The following KMT2C variants were observed in gnomAD, a reference collection of about 807,000 sequenced individuals.
KMT2C encodes histone-lysine N-methyltransferase 2C.
In KMT2C, 88 loss-of-function variants were observed where a neutral mutation model predicts 507.9. The observed-to-expected ratio is 0.17, with a 90% CI of 0.15 to 0.21. The LOEUF (loss-of-function observed/expected upper bound fraction) is 0.21, where lower values mean the gene tolerates loss of function less well. Ranked by LOEUF, KMT2C falls within the 10% of genes least tolerant of loss-of-function variation. KMT2C has a pLI of 1.00. For synonymous variants in KMT2C, 2,049 were observed against 2,080.8 expected, an observed-to-expected ratio of 0.98 and a Z score of 0.42; for missense variants, 4,954 against 5,957.8, an observed-to-expected ratio of 0.83 and a Z score of 5.55.
chr7:152,433,176 C>T (rs11762480), intron 1 of KMT2C, among the ~76,000 whole-genome samples: 10,820 of 151,788 alleles, frequency 0.071, 609 homozygotes, highest in East Asian at 0.23. Flanking sequence ...ATCTTCTCTA[C>T]TTAATGTAAC....
chr7:152,234,452 G>C (rs1350351963), intron 16 of KMT2C, among the ~76,000 whole-genome samples: 2 of 151,748 alleles, frequency 1.3e-5, no homozygotes, highest in African/African-American at 4.8e-5. Flanking sequence ...AGGCCAAGAT[G>C]GTTTCACTAA....
intron 2 of KMT2C, among the ~76,000 whole-genome samples, chr7:152,334,172 G>T (rs1350132467): frequency 6.6e-6 from 1 of 152,098 alleles, no homozygotes; most frequent in African/African-American, 2.4e-5. Flanking sequence ...CGTAGACAAA[G>T]GGGCCGGGTG....
chr7:152,281,318 T>C (rs2096204112), intron 6 of KMT2C, among the ~76,000 whole-genome samples: 1 of 152,164 alleles, frequency 6.6e-6, no homozygotes, highest in African/African-American at 2.4e-5. Flanking sequence ...AAGGATAGTT[T>C]ATAGAATTTC....
At position 152,247,446 on chromosome 7, in the gene KMT2C, C is replaced by G. The variant is rs1259765667; in HGVS notation, c.2532+456G>C. On this transcript the variant is annotated intron_variant, in intron 14 of 58. Transcript: ENST00000262189. The stretch of plus-strand genomic sequence containing the variant: ...AATAAAAACATCAAAATGAGAAATT[C>G]CCCAGCATGGAAAATTCCTGTCATA... 2.0e-5 allele frequency among the ~76,000 whole-genome samples: 3 copies of G among 152,054 alleles called. No individual in the cohort carries two copies. In the East Asian group the frequency reaches 5.8e-4, roughly 29 times the overall value.
intron 6 of KMT2C, among the ~76,000 whole-genome samples, chr7:152,280,500 G>A (rs1215987288): frequency 1.4e-5 from 2 of 141,712 alleles, no homozygotes; most frequent in African/African-American, 4.9e-5. Context: ...GCAGTGAGCC[G>A]AGACTGCACC....
At chr7:152,314,781 G>A (rs1270721395) in intron 4 of KMT2C, among the ~76,000 whole-genome samples, 1 of 152,020 alleles carries the variant, frequency 6.6e-6, no homozygotes, top group Non-Finnish European at 1.5e-5. Flanking sequence ...ACAAAAGAAG[G>A]ACTTTATTGA....
At chr7:152,146,509 A>C (rs935662422) in intron 53 of KMT2C, 90 bp downstream of exon 53, 1 of 1,291,186 alleles carries the variant, frequency 7.7e-7, no homozygotes, top group African/African-American at 1.5e-5. Flanking sequence ...CACTTTCTGA[A>C]GAGTGCCACA....
At chr7:152,241,282 C>A (rs900688057) in intron 14 of KMT2C, among the ~76,000 whole-genome samples, 4 of 152,148 alleles carry the variant, frequency 2.6e-5, no homozygotes, top group African/African-American at 4.8e-5. Flanking sequence ...TCACAGCAAC[C>A]TCTACCTCCC....
intron 9 of KMT2C, among the ~76,000 whole-genome samples, chr7:152,255,130 T>TATAC (rs1554583833): frequency 8.1e-6 from 1 of 123,200 alleles, no homozygotes; most frequent in African/African-American, 3.5e-5. Flanking sequence ...TATATATATA[T>TATAC]ATATATATAT....
intron 13 of KMT2C, among the ~76,000 whole-genome samples, chr7:152,249,673 C>CAAAAAAAAAAAAAAAAAAA (rs1183345172): frequency 2.0e-4 from 7 of 34,514 alleles, no homozygotes; most frequent in Admixed American, 4.4e-4. Context: ...CTCCCCCCTC[C>CAAAAAAAAAAAAAAAAAAA]AAAAAAAAAA....
intron 6 of KMT2C, among the ~76,000 whole-genome samples, chr7:152,289,912 C>A (rs12674420): frequency 6.9e-5 from 10 of 145,694 alleles, no homozygotes; most frequent in African/African-American, 2.5e-4. Context: ...CTGGGCCTGG[C>A]GGTGCATGCC....
At position 152,433,052 on chromosome 7, in the gene KMT2C, G is replaced by T. The variant is rs140818494; in HGVS notation, c.161+2574C>A. Among the ~76,000 whole-genome samples the T allele has an allele frequency of 7.5e-3, 1,143 of 151,946 alleles. 15 individuals carry two copies. The highest frequency in any genetic ancestry group is 0.027 in the African/African-American group (1,098 of 41,408). ...AATCCCAGCTACTCTGGAGGCTGAGGAAGGAGAATCGCTTGAATACACGAG... is the reference window on the plus strand; with the variant it reads ...AATCCCAGCTACTCTGGAGGCTGAGTAAGGAGAATCGCTTGAATACACGAG... On this transcript the variant is annotated intron_variant, in intron 1 of 58. Coordinates refer to ENST00000262189, the MANE Select transcript of KMT2C (RefSeq NM_170606.3).
rs2129114717 is a variant in KMT2C, at chr7:152,177,384, T to A, written c.8069A>T (p.Asp2690Val). ...TTCCTTCACAGAAGGGTCATCAGAA[T>A]CAAGTTTTTCCTCTAGACCATCAGA... ...QPSDGLEEKL[D>V]SDDPSVKELD... The change falls in exon 38 of 59, where the codon GAT (aspartate) becomes GTT (valine). Residue 2690 changes from aspartate (D) to valine (V), a missense_variant. By Grantham distance (152) the Asp-to-Val change is radical. This residue lies in a region of KMT2C where 1,689 missense variants were observed against 1,654.3 expected (regional missense o/e 1.02). Transcript: ENST00000262189. 6.2e-7 allele frequency: 1 copy of A among 1,614,234 alleles called. No homozygotes were observed. The highest frequency in any genetic ancestry group is 8.5e-7 in the Non-Finnish European group (1 of 1,180,044).
In KMT2C at chr7:152,182,488, T is replaced by C. The variant is rs774836511; in HGVS notation, c.5372A>G (p.Gln1791Arg). ...QQQQQQQFGS[Q>R]HLLVQSGSDT... ...TGAACCAGACTGCACCAGAAGATGC[T>C]GAGAACCAAATTGCTGTTGTTGCTG... The change falls in exon 36 of 59, where the codon CAG (glutamine) becomes CGG (arginine). Residue 1791 changes from glutamine (Q) to arginine (R), a missense_variant. This residue lies in a region of KMT2C where 1,689 missense variants were observed against 1,654.3 expected (regional missense o/e 1.02). Transcript: ENST00000262189. 3 of 1,614,032 alleles carry C rather than the reference T, an allele frequency of 1.9e-6. No individual in the cohort carries two copies. The highest frequency in any genetic ancestry group is 4.5e-5 in the East Asian group (2 of 44,884).
rs572021840 is a variant in KMT2C, at chr7:152,213,943, A to G, written c.3713-6515T>C. On this transcript the variant is annotated intron_variant, in intron 23 of 58. Transcript: ENST00000262189. Reference sequence around the variant, plus strand: ...TGAATAGCCATTTTTCCAAAGTCACACAAATGGTCAAATGGTATATGAAAA... The same window carrying G: ...TGAATAGCCATTTTTCCAAAGTCACGCAAATGGTCAAATGGTATATGAAAA... Among the ~76,000 whole-genome samples the G allele has an allele frequency of 9.2e-5, 14 of 152,256 alleles. No homozygotes were observed. The South Asian group carries it at 2.9e-3, about 32-fold the overall frequency.
chr7:152,189,028 T>G lies in KMT2C; in HGVS notation c.4661-1181A>C, dbSNP rs2093711913. ...ATACACTCTGGTTTTGGCCTAATTT[T>G]TATAACTTACAGTTCAGCCCCCAAA... is the stretch of plus-strand genomic sequence containing the variant. On this transcript the variant is annotated intron_variant, in intron 31 of 58. Transcript: ENST00000262189. Among the ~76,000 whole-genome samples the G allele has an allele frequency of 2.0e-5, 3 of 152,328 alleles. No individual in the cohort carries two copies. In the South Asian group the frequency reaches 6.2e-4, roughly 32 times the overall value.
chr7:152,161,827 A>G (rs1432380274), intron 43 of KMT2C, among the ~76,000 whole-genome samples: 1 of 152,242 alleles, frequency 6.6e-6, no homozygotes, highest in Non-Finnish European at 1.5e-5. Flanking sequence ...ACTTTGCTTT[A>G]GTCATATCAA....
rs2096896311 is a variant in KMT2C at position 152,332,851 on chromosome 7, A to AAAACAC, written c.251-2113_251-2112insGTGTTT. Reference sequence around the variant, plus strand: ...CAACAGGAATGAAACTGCGTCTCAAAACACACACACACACACACACACACA... The same window carrying AAAACAC: ...CAACAGGAATGAAACTGCGTCTCAAAAAACACACACACACACACACACACACACACA... On this transcript the variant is annotated intron_variant, in intron 2 of 58. Coordinates refer to ENST00000262189, the MANE Select transcript of KMT2C (RefSeq NM_170606.3). Among the ~76,000 whole-genome samples the AAAACAC allele has an allele frequency of 7.2e-5, 10 of 138,604 alleles. No homozygotes were observed. The South Asian group carries it at 2.4e-3, about 33-fold the overall frequency. The allele number at this position is 138,604 out of a possible 152,430, so 90.9% of individuals were successfully genotyped here.
At chr7:152,254,979 T>C (rs558567879) in intron 9 of KMT2C, among the ~76,000 whole-genome samples, 6 of 151,284 alleles carry the variant, frequency 4.0e-5, no homozygotes, top group African/African-American at 1.2e-4. Flanking sequence ...AGCTTAAATG[T>C]TGAAAATCAG....
Sources: allele counts gnomAD v4.1 joint callset (sites outside exome capture counted in the v4.1 genomes callset), GRCh38; gene constraint gnomAD v4.1.1; regional missense constraint gnomAD v4.1.1; transcripts MANE v1.5; gene names NCBI Gene and HGNC (gene_info 2026-07-23, HGNC 2026-07-21).